Variants in CSMD1 observed in about 807,000 individuals in gnomAD.
CSMD1 encodes CUB and Sushi multiple domains 1, also known as CUB and sushi domain-containing protein 1.
Under a neutral mutation model 417.5 loss-of-function variants are expected in CSMD1, and 213 were observed. The observed-to-expected ratio is 0.51, with a 90% CI of 0.46 to 0.57. The LOEUF is 0.57. Among genes scored for constraint, CSMD1 ranks in the 20% least tolerant of loss-of-function variants. The pLI is 0.00. For missense variants in CSMD1, 6,923 were observed against 4,529.7 expected (o/e 1.53, Z -15.17); for synonymous variants, 2,862 against 1,736.8 (o/e 1.65, Z -16.11).
At chr8:4,856,862 CAGAA>C (rs1029353139) in intron 1 of CSMD1, among the ~76,000 whole-genome samples, 3 of 152,018 alleles carry the variant, frequency 2.0e-5, no homozygotes, top group African/African-American at 7.3e-5. Flanking sequence ...ATCAACGAGA[CAGAA>C]AGTCAACAAG....
intron 5 of CSMD1, among the ~76,000 whole-genome samples, chr8:3,883,237 G>C (rs1025128578): frequency 8.5e-5 from 13 of 152,098 alleles, no homozygotes; most frequent in African/African-American, 1.7e-4. Flanking sequence ...CATTTGACCT[G>C]TAATTTTCCT....
chr8:4,020,777 G>A (rs1011792909), intron 4 of CSMD1, among the ~76,000 whole-genome samples: 4 of 152,168 alleles, frequency 2.6e-5, no homozygotes, highest in Admixed American at 2.6e-4. Flanking sequence ...CTTGAGATAA[G>A]GTCTGAAATG....
At chr8:4,984,769 A>T (rs1811084172) in intron 1 of CSMD1, among the ~76,000 whole-genome samples, 1 of 152,022 alleles carries the variant, frequency 6.6e-6, no homozygotes. Flanking sequence ...AGAAGGAAAA[A>T]CCCCCAGATT....
chr8:3,330,199 T>A (rs1216970174), intron 23 of CSMD1, among the ~76,000 whole-genome samples: 3 of 152,204 alleles, frequency 2.0e-5, no homozygotes, highest in Non-Finnish European at 2.9e-5. Flanking sequence ...ATTCTTCATT[T>A]CATTTTCTTA....
chr8:4,758,938 G>A (rs766399806), intron 1 of CSMD1, among the ~76,000 whole-genome samples: 2 of 152,222 alleles, frequency 1.3e-5, no homozygotes, highest in Non-Finnish European at 2.9e-5. Context: ...GATTTCAGTA[G>A]CAGACGGTGG....
chr8:4,834,069 C>T (rs1585181157), intron 1 of CSMD1, among the ~76,000 whole-genome samples: 1 of 152,168 alleles, frequency 6.6e-6, no homozygotes, highest in Non-Finnish European at 1.5e-5. Context: ...TGTAATTTTA[C>T]TATTGGACTC....
chr8:3,115,151 TTAA>T (rs1163748204), intron 42 of CSMD1, among the ~76,000 whole-genome samples: 10 of 151,952 alleles, frequency 6.6e-5, no homozygotes, highest in Non-Finnish European at 1.3e-4. Flanking sequence ...ATTTAATAAG[TTAA>T]TAAACCAAAT....
At chr8:4,120,257 G>T (rs1002917628) in intron 3 of CSMD1, among the ~76,000 whole-genome samples, 2 of 151,546 alleles carry the variant, frequency 1.3e-5, no homozygotes, top group Non-Finnish European at 3.0e-5. Context: ...GCATAAAAAG[G>T]ATTTGGGGTA....
At chr8:4,454,935 T>A (rs1054890017) in intron 2 of CSMD1, among the ~76,000 whole-genome samples, 1 of 152,130 alleles carries the variant, frequency 6.6e-6, no homozygotes, top group Non-Finnish European at 1.5e-5. Flanking sequence ...CACTCCAGAC[T>A]CATGACGCTT....
At chr8:4,312,122 T>C (rs1285357027) in intron 3 of CSMD1, among the ~76,000 whole-genome samples, 1 of 152,012 alleles carries the variant, frequency 6.6e-6, no homozygotes, top group Non-Finnish European at 1.5e-5. Flanking sequence ...TACCCCCCTT[T>C]TAAAAATCAA....
intron 2 of CSMD1, among the ~76,000 whole-genome samples, chr8:4,461,933 G>T (rs924982685): frequency 1.3e-5 from 2 of 151,822 alleles, no homozygotes; most frequent in Non-Finnish European, 2.9e-5. Context: ...AGAAGAGACG[G>T]GGTTTCATCA....
chr8:4,911,279 A>T (rs530787164), intron 1 of CSMD1, among the ~76,000 whole-genome samples: 1 of 152,348 alleles, frequency 6.6e-6, no homozygotes, highest in East Asian at 1.9e-4. Context: ...TTCTGCCTAT[A>T]CATACTGGAT....
rs547666803 is a variant in CSMD1, at chr8:3,175,513, TTTCC to T, written c.5725+5593_5725+5596del. On this transcript the variant is annotated intron_variant, in intron 37 of 69. Transcript: ENST00000635120. The stretch of plus-strand genomic sequence containing the variant: ...CCTGCCTGCCTGCCTGCCTGCCTTT[TTTCC>T]TTCCTTCCTTCCTTCCTTCTTCCCT... Among the ~76,000 whole-genome samples, 165 of 53,804 alleles carry T rather than the reference TTTCC, an allele frequency of 3.1e-3. 2 individuals carry two copies. The highest frequency in any genetic ancestry group is 7.2e-3 in the African/African-American group (140 of 19,534). 35.3% of individuals were successfully genotyped at this position (53,804 alleles called of 152,430 possible). A position where few individuals can be genotyped will look rare whatever the true frequency, so the allele number is the denominator to read the frequency against.
intron 1 of CSMD1, among the ~76,000 whole-genome samples, chr8:4,862,855 T>A (rs534982708): frequency 2.7e-4 from 41 of 152,076 alleles, no homozygotes; most frequent in Admixed American, 7.2e-4. Flanking sequence ...CTCCAAGTCT[T>A]AAGATGTTCA....
chr8:4,795,252 C>CT lies in CSMD1; in HGVS notation c.86-157695dup, dbSNP rs571984359. Among the ~76,000 whole-genome samples the CT allele has an allele frequency of 1.2e-3, 55 of 46,250 alleles. 12 individuals are homozygous for CT. The highest frequency in any genetic ancestry group is 2.9e-3 in the East Asian group (4 of 1,386). The allele number at this position is 46,250 out of a possible 152,430, so 30.3% of individuals were successfully genotyped here. A position where few individuals can be genotyped will look rare whatever the true frequency, so the allele number is the denominator to read the frequency against. ...ATTTCTAGGTCTGCTGGTGTCATAG[C>CT]TTTTTTTTTTTTTTTTTTTTTTTTT... On this transcript the variant is annotated intron_variant, in intron 1 of 69. Coordinates refer to ENST00000635120, the MANE Select transcript of CSMD1 (RefSeq NM_033225.6).
At chr8:3,872,616 T>A (rs548290695) in intron 5 of CSMD1, among the ~76,000 whole-genome samples, 2 of 152,174 alleles carry the variant, frequency 1.3e-5, no homozygotes, top group South Asian at 2.1e-4. Flanking sequence ...TCATGTCAGT[T>A]TCCACAATCC....
intron 3 of CSMD1, among the ~76,000 whole-genome samples, chr8:4,295,756 A>G (rs202242222): frequency 0.4 from 11,394 of 28,628 alleles, 692 homozygotes; most frequent in South Asian, 0.47. Flanking sequence ...GTGTGTATAT[A>G]TATATATATA....
intron 33 of CSMD1, among the ~76,000 whole-genome samples, chr8:3,199,189 T>C (rs1454207551): frequency 1.3e-5 from 2 of 152,186 alleles, no homozygotes; most frequent in Non-Finnish European, 2.9e-5. Context: ...GGTGTAAAAG[T>C]ACCCAAAGTT....
intron 2 of CSMD1, among the ~76,000 whole-genome samples, chr8:4,497,539 C>A (rs1332161203): frequency 6.6e-6 from 1 of 152,138 alleles, no homozygotes; most frequent in Non-Finnish European, 1.5e-5. Context: ...TATAGTAGCT[C>A]CACTGAGGAG....
Sources: allele counts gnomAD v4.1 joint callset (sites outside exome capture counted in the v4.1 genomes callset), GRCh38; gene constraint gnomAD v4.1.1; transcripts MANE v1.5; gene names NCBI Gene and HGNC (gene_info 2026-07-23, HGNC 2026-07-21).